HDAC9: variants seen among roughly 807,000 people sequenced by gnomAD.
The protein encoded by HDAC9 is MEF-2 interacting transcription repressor (MITR) protein.
Under a neutral mutation model 139.4 loss-of-function variants are expected in HDAC9, and 41 were observed. The observed-to-expected ratio is 0.29, with a 90% CI of 0.23 to 0.38. HDAC9 has a LOEUF of 0.38. HDAC9 is among the 10% of genes least tolerant of loss of function. HDAC9 has a pLI of 1.00. For missense variants in HDAC9, 1,147 were observed against 1,297.0 expected, an observed-to-expected ratio of 0.88 and a Z score of 1.78; for synonymous variants, 517 against 476.2, an observed-to-expected ratio of 1.09 and a Z score of -1.12.
chr7:18,254,138 A>G (rs760688985), intron 2 of HDAC9, among the ~76,000 whole-genome samples: 8 of 152,370 alleles, frequency 5.3e-5, no homozygotes, highest in Non-Finnish European at 1.2e-4. Context: ...AACATAACAA[A>G]CAAGAAGGAA....
chr7:18,343,812 A>G (rs1181027843), intron 1 of HDAC9, among the ~76,000 whole-genome samples: 1 of 151,864 alleles, frequency 6.6e-6, no homozygotes, highest in Non-Finnish European at 1.5e-5. Context: ...ATTCGCCTTT[A>G]TATATGTATT....
At chr7:18,687,065 A>G (rs1461785555) in intron 12 of HDAC9, among the ~76,000 whole-genome samples, 2 of 151,832 alleles carry the variant, frequency 1.3e-5, no homozygotes, top group African/African-American at 4.8e-5. Context: ...TATTTTTATA[A>G]TTGTTTAAAG....
At chr7:18,383,366 C>T (rs1785610466) in intron 1 of HDAC9, among the ~76,000 whole-genome samples, 1 of 152,134 alleles carries the variant, frequency 6.6e-6, no homozygotes, top group South Asian at 2.1e-4. Context: ...TGGACGTGAT[C>T]TCAGAACTAG....
chr7:18,374,705 C>T (rs1270003503), intron 1 of HDAC9, among the ~76,000 whole-genome samples: 1 of 151,950 alleles, frequency 6.6e-6, no homozygotes, highest in Middle Eastern at 3.2e-3. Context: ...CTCCAGACCT[C>T]TTAAAGTCTT....
chr7:18,753,385 G>A (rs1381240869), intron 14 of HDAC9, among the ~76,000 whole-genome samples: 2 of 152,010 alleles, frequency 1.3e-5, no homozygotes, highest in Non-Finnish European at 1.5e-5. Context: ...ATGTGAGAGT[G>A]TGAAAAGGAA....
intron 16 of HDAC9, among the ~76,000 whole-genome samples, chr7:18,771,812 TAAACTC>T (rs1790320797): frequency 6.6e-6 from 1 of 152,138 alleles, no homozygotes; most frequent in South Asian, 2.1e-4. Context: ...GACATATAGT[TAAACTC>T]AATGCGACAA....
In HDAC9 at chr7:18,702,247, G is replaced by A. The variant is rs532810018; in HGVS notation, c.1732-25333G>A. ...CTTTTTGGAGACCTGCTATATTTCC[G>A]TGCTTACTGACAACCAAATTGTTCT... On this transcript the variant is annotated intron_variant, in intron 12 of 25. Coordinates refer to ENST00000686413, the MANE Select transcript of HDAC9 (RefSeq NM_178425.4). 9.2e-5 allele frequency among the ~76,000 whole-genome samples: 14 copies of A among 152,182 alleles called. No homozygotes were observed. In the South Asian group the frequency reaches 1.7e-3, roughly 18 times the overall value.
Position 18,633,444 on chromosome 7 carries a change from A to G in HDAC9, c.797-1183A>G, listed in dbSNP as rs576650523. 2.0e-5 allele frequency among the ~76,000 whole-genome samples: 3 copies of G among 152,196 alleles called. No homozygotes were observed. The South Asian group carries it at 6.2e-4, about 32-fold the overall frequency. On this transcript the variant is annotated intron_variant, in intron 7 of 25. Transcript: ENST00000686413. ...AATTCCAGTGTAGGAGGAGGGCCTGAAGATTCCACCTAACTAATCCTTTTA... is the reference window on the plus strand; with the variant it reads ...AATTCCAGTGTAGGAGGAGGGCCTGGAGATTCCACCTAACTAATCCTTTTA...
chr7:18,514,039 G>A (rs1326745394), intron 2 of HDAC9, among the ~76,000 whole-genome samples: 2 of 152,144 alleles, frequency 1.3e-5, no homozygotes, highest in Non-Finnish European at 2.9e-5. Context: ...GTTGTGGTCT[G>A]TTATAGACCT....
chr7:18,925,353 A>C (rs1220262138), intron 22 of HDAC9, among the ~76,000 whole-genome samples: 1 of 152,128 alleles, frequency 6.6e-6, no homozygotes, highest in Non-Finnish European at 1.5e-5. Context: ...TGAATAAATG[A>C]GATAATGCAT....
intron 1 of HDAC9, among the ~76,000 whole-genome samples, chr7:18,384,327 C>T (rs891181617): frequency 2.0e-5 from 3 of 151,926 alleles, no homozygotes; most frequent in African/African-American, 7.2e-5. Flanking sequence ...AAAATGCGTA[C>T]ACTCAAAACA....
rs752585912 is a variant in HDAC9 at position 18,648,669 on chromosome 7, A to G, written c.1453A>G (p.Ile485Val). The G allele has an allele frequency of 5.0e-6, 8 of 1,612,028 alleles. No individual in the cohort carries two copies. In the South Asian group the frequency reaches 8.8e-5, roughly 18 times the overall value. ...GAAGCAGAAGCAATACCAGCAGCAG[A>G]TCCACATGAACAAAGTAAGCCTCCA... ...LEKQKQYQQQIHMNKLLSKSI... is the reference protein window; with the variant it reads ...LEKQKQYQQQVHMNKLLSKSI... The change falls in exon 11 of 26, where the codon ATC (isoleucine) becomes GTC (valine). Residue 485 changes from isoleucine to valine, a missense_variant. By Grantham distance (29) the Ile-to-Val change is conservative. Transcript: ENST00000686413.
chr7:18,261,524 A>C (rs1795678117), intron 2 of HDAC9, among the ~76,000 whole-genome samples: 1 of 152,132 alleles, frequency 6.6e-6, no homozygotes. Context: ...AGAAACTGTC[A>C]GGCTGTTACT....
At chr7:18,823,854 C>T (rs920352538) in intron 17 of HDAC9, among the ~76,000 whole-genome samples, 7 of 151,790 alleles carry the variant, frequency 4.6e-5, no homozygotes, top group African/African-American at 1.5e-4. Flanking sequence ...TGGTGTGTGC[C>T]TGTAGCCCCA....
chr7:18,812,387 A>T (rs1794241987), intron 17 of HDAC9, among the ~76,000 whole-genome samples: 1 of 151,856 alleles, frequency 6.6e-6, no homozygotes, highest in Admixed American at 6.6e-5. Context: ...AAATTCTCTT[A>T]TCTTTTGTTT....
chr7:18,742,260 T>C (rs1161917001), intron 13 of HDAC9, among the ~76,000 whole-genome samples: 2 of 152,150 alleles, frequency 1.3e-5, no homozygotes, highest in Non-Finnish European at 2.9e-5. Flanking sequence ...GTTATCTTGT[T>C]TGAAGAAATT....
chr7:18,530,099 G>T (rs1203836316), intron 2 of HDAC9, among the ~76,000 whole-genome samples: 1 of 151,706 alleles, frequency 6.6e-6, no homozygotes, highest in East Asian at 1.9e-4. Context: ...GGGCAACAAA[G>T]CAAGATCCAG....
chr7:18,974,222 A>G (rs1223247822), intron 24 of HDAC9, among the ~76,000 whole-genome samples: 1 of 152,226 alleles, frequency 6.6e-6, no homozygotes, highest in Non-Finnish European at 1.5e-5. Flanking sequence ...GGCAATCAAG[A>G]CATCAGGATG....
At chr7:18,751,455 T>C (rs1240631599) in intron 14 of HDAC9, among the ~76,000 whole-genome samples, 1 of 152,166 alleles carries the variant, frequency 6.6e-6, no homozygotes, top group Non-Finnish European at 1.5e-5. Context: ...GTTTGCTTTC[T>C]TAAGTGAAGA....
Sources: gnomAD v4.1 joint callset for allele counts (sites outside exome capture counted in the v4.1 genomes callset) on GRCh38, gnomAD v4.1.1 for gene constraint, MANE v1.5 for transcripts, NCBI Gene and HGNC (gene_info 2026-07-23, HGNC 2026-07-21) for gene names.